Variants in RASGRF1 observed in about 807,000 individuals in gnomAD.
RASGRF1 encodes the protein ras-specific guanine nucleotide-releasing factor 1.
Under a neutral mutation model 138.7 loss-of-function variants are expected in RASGRF1, and 40 were observed. The observed-to-expected ratio is 0.29, with a 90% CI of 0.22 to 0.38. The LOEUF (loss-of-function observed/expected upper bound fraction) is 0.38, where lower values mean the gene tolerates loss of function less well. RASGRF1 is among the 10% of genes least tolerant of loss of function. RASGRF1 has a pLI of 1.00. For synonymous variants in RASGRF1, 614 were observed against 663.2 expected (o/e 0.93, Z 1.14); for missense variants, 1,108 against 1,650.4 (o/e 0.67, Z 5.69).
chr15:78,974,582 A>G (rs2055837194), intron 24 of RASGRF1, among the ~76,000 whole-genome samples: 1 of 152,222 alleles, frequency 6.6e-6, no homozygotes, highest in Non-Finnish European at 1.5e-5. Flanking sequence ...CAGGCACGAT[A>G]TTAAATAACA....
Position 78,961,803 on chromosome 15 carries a change from G to A in RASGRF1, c.*341C>T. On this transcript the variant is annotated 3_prime_UTR_variant, in exon 27 of 27. Transcript: ENST00000558480. ...GGTGGCCACCTCAACCCAGGAGCCTGGGCTGGGGAGGGACGGAAGCAGGAC... is the reference window on the plus strand; with the variant it reads ...GGTGGCCACCTCAACCCAGGAGCCTAGGCTGGGGAGGGACGGAAGCAGGAC... 5.7e-6 allele frequency: 1 copy of A among 176,630 alleles called. No homozygotes were observed. Among genetic ancestry groups the A allele is most frequent in the Non-Finnish European group, 1.2e-5 (1 of 85,430 alleles). 10.9% of individuals were successfully genotyped at this position (176,630 alleles called of 1,614,324 possible). A position where few individuals can be genotyped will look rare whatever the true frequency, so the allele number is the denominator to read the frequency against.
chr15:79,003,787 G>C lies in RASGRF1; in HGVS notation c.2449+15C>G. On this transcript the variant is annotated intron_variant, in intron 15 of 26. Transcript: ENST00000558480. ...TGGGAGGCTGGGGGGCAGCTCCGAC[G>C]GCATGGCCACTCACTCTGCTTGCTG... is the stretch of plus-strand genomic sequence containing the variant. 1 of 1,571,294 alleles carries C rather than the reference G, an allele frequency of 6.4e-7. No individual in the cohort carries two copies. Among genetic ancestry groups the C allele is most frequent in the Non-Finnish European group, 8.6e-7 (1 of 1,157,772 alleles).
chr15:79,010,028 G>GTT (rs1378014746), intron 13 of RASGRF1, among the ~76,000 whole-genome samples: 50 of 143,348 alleles, frequency 3.5e-4, no homozygotes, highest in East Asian at 1.1e-3. Context: ...CAGCCTCTTT[G>GTT]TTTGTTTTTT....
chr15:79,090,472 A>G lies in RASGRF1; in HGVS notation c.27T>C (p.Asp9=). The change falls in exon 1 of 27, where the codon GAT becomes GAC. Residue 9 remains aspartate (D), a synonymous_variant. Coordinates refer to ENST00000558480, the MANE Select transcript of RASGRF1 (RefSeq NM_001145648.3). ...GCAGTCCCAGGGACGCGACGTGGCC[A>G]TCATTCAGCCGGATCCCCTTCTGCA... MQKGIRLN[D]GHVASLGLLA... 1 of 1,612,800 alleles carries G rather than the reference A, an allele frequency of 6.2e-7. No individual in the cohort carries two copies. Among genetic ancestry groups the G allele is most frequent in the Non-Finnish European group, 8.5e-7 (1 of 1,179,942 alleles).
intron 1 of RASGRF1, among the ~76,000 whole-genome samples, chr15:79,067,345 C>G (rs116110129): frequency 1.3e-5 from 2 of 152,152 alleles, no homozygotes; most frequent in African/African-American, 4.8e-5. Context: ...AGGCATGGTA[C>G]TAGGTTCTTT....
intron 1 of RASGRF1, among the ~76,000 whole-genome samples, chr15:79,086,847 A>G (rs138089933): frequency 6.6e-6 from 1 of 152,320 alleles, no homozygotes; most frequent in Non-Finnish European, 1.5e-5. Flanking sequence ...AAAGAAGGGT[A>G]TGGAACACCA....
At chr15:79,087,253 G>A (rs982031944) in intron 1 of RASGRF1, among the ~76,000 whole-genome samples, 3 of 152,222 alleles carry the variant, frequency 2.0e-5, no homozygotes, top group African/African-American at 7.2e-5. Flanking sequence ...CTCACAGCCT[G>A]TGACAGTCAG....
intron 26 of RASGRF1, 67 bp downstream of exon 26, chr15:78,971,799 G>T: frequency 7.2e-7 from 1 of 1,397,584 alleles, no homozygotes; most frequent in South Asian, 1.2e-5. Context: ...GAGGGGACAG[G>T]GTGGAAGGTG....
At chr15:78,993,264 G>GAT (rs1567468582) in intron 20 of RASGRF1, among the ~76,000 whole-genome samples, 4 of 81,188 alleles carry the variant, frequency 4.9e-5, no homozygotes, top group Admixed American at 1.0e-4. Context: ...TGTGTGGTGT[G>GAT]GTGTGTGTGG....
intron 24 of RASGRF1, among the ~76,000 whole-genome samples, chr15:78,974,315 C>T (rs1031999944): frequency 2.0e-5 from 3 of 152,212 alleles, no homozygotes; most frequent in African/African-American, 7.2e-5. Context: ...GCGGTGGCAT[C>T]ATCGAGCACA....
chr15:78,975,722 G>A (rs1303525007), intron 24 of RASGRF1, among the ~76,000 whole-genome samples: 3 of 152,050 alleles, frequency 2.0e-5, no homozygotes, highest in African/African-American at 2.4e-5. Flanking sequence ...TTTTTGCCAT[G>A]TTGCCCAGGC....
chr15:79,058,935 T>A (rs2057547021), intron 2 of RASGRF1, among the ~76,000 whole-genome samples: 1 of 152,226 alleles, frequency 6.6e-6, no homozygotes, highest in African/African-American at 2.4e-5. Context: ...AGTCTGTTTT[T>A]GTACCACCAC....
At position 78,973,302 on chromosome 15, in the gene RASGRF1, C is replaced by G; in HGVS notation, c.3612+1G>C. ...CCCCTGCCTGGCTGGGGGGAACGCA[C>G]CATCCTCATCTTGGAGAAGTTGACC... On this transcript the variant is annotated splice_donor_variant, in intron 25 of 26. Transcript: ENST00000558480. LOFTEE classifies it high-confidence loss of function. This position sits in a 1 kb window ranked among gnomAD's most constrained non-coding sequence, Gnocchi z 4.9. 1 of 1,604,490 alleles carries G rather than the reference C, an allele frequency of 6.2e-7. No individual in the cohort carries two copies. The highest frequency in any genetic ancestry group is 8.5e-7 in the Non-Finnish European group (1 of 1,172,402).
intron 13 of RASGRF1, among the ~76,000 whole-genome samples, chr15:79,007,425 T>C (rs983354676): frequency 6.6e-6 from 1 of 152,256 alleles, no homozygotes; most frequent in Non-Finnish European, 1.5e-5. Flanking sequence ...TTTGTAATCA[T>C]GTTTTACTTT....
intron 25 of RASGRF1, among the ~76,000 whole-genome samples, chr15:78,972,968 C>T (rs2055799328): frequency 6.6e-6 from 1 of 152,132 alleles, no homozygotes; most frequent in African/African-American, 2.4e-5. Flanking sequence ...CCTGGCTCTG[C>T]CCTTTACTTG....
intron 3 of RASGRF1, among the ~76,000 whole-genome samples, chr15:79,053,746 G>T (rs185546517): frequency 6.6e-6 from 1 of 152,358 alleles, no homozygotes; most frequent in East Asian, 1.9e-4. Flanking sequence ...GGCACAGAGG[G>T]AGAAGAGACG....
At chr15:79,008,295 G>A (rs573478087) in intron 13 of RASGRF1, among the ~76,000 whole-genome samples, 38 of 152,314 alleles carry the variant, frequency 2.5e-4, no homozygotes, top group African/African-American at 8.7e-4. Flanking sequence ...TTTATCGAGT[G>A]CCTTCAATGA....
chr15:79,047,342 A>G lies in RASGRF1; in HGVS notation c.625-343T>C, dbSNP rs1210135070. Among the ~76,000 whole-genome samples the G allele has an allele frequency of 1.3e-5, 2 of 152,232 alleles. 1 individual carries two copies. Among genetic ancestry groups the G allele is most frequent in the Non-Finnish European group, 2.9e-5 (2 of 68,034 alleles). On this transcript the variant is annotated intron_variant, in intron 4 of 26. Coordinates refer to ENST00000558480, the MANE Select transcript of RASGRF1 (RefSeq NM_001145648.3). The stretch of plus-strand genomic sequence containing the variant: ...CACCCCAGACCTCTGCAGTTTAACA[A>G]GACCCCTGGGTTGCTTTGGAAGCAT...
At chr15:79,014,108 A>G (rs944671825) in intron 13 of RASGRF1, among the ~76,000 whole-genome samples, 6 of 152,228 alleles carry the variant, frequency 3.9e-5, no homozygotes, top group African/African-American at 1.4e-4. Flanking sequence ...GGATGTGGTG[A>G]AAAGGTAAGA....
Sources: allele counts gnomAD v4.1 joint callset (sites outside exome capture counted in the v4.1 genomes callset), GRCh38; gene constraint gnomAD v4.1.1; non-coding constraint Gnocchi (gnomAD v3.1); transcripts MANE v1.5; gene names NCBI Gene and HGNC (gene_info 2026-07-23, HGNC 2026-07-21).